The following REDIC1 variants were observed in gnomAD, a reference collection of about 807,000 sequenced individuals.
The protein encoded by REDIC1 is HEI10 Interacting Protein 1.
the REDIC1 span, chr12:39,640,903 T>G: frequency 7.1e-7 from 1 of 1,406,700 alleles, no homozygotes; most frequent in Non-Finnish European, 1.0e-6. Context: ...GGCAGTTGTC[T>G]TAAAGGCCAT....
At chr12:39,742,358 A>T in the REDIC1 span, among the ~76,000 whole-genome samples, 1 of 152,312 alleles carries the variant, frequency 6.6e-6, no homozygotes, top group South Asian at 2.1e-4. Flanking sequence ...CATTTGTTAT[A>T]TTTATTAAGT....
chr12:39,882,459 T>C, the REDIC1 span, among the ~76,000 whole-genome samples: 9 of 152,374 alleles, frequency 5.9e-5, no homozygotes, highest in South Asian at 1.7e-3. Flanking sequence ...TATCCAGTTA[T>C]TCTTCTACTC....
chr12:39,660,836 C>A, the REDIC1 span, among the ~76,000 whole-genome samples: 1 of 152,114 alleles, frequency 6.6e-6, no homozygotes, highest in Admixed American at 6.6e-5. Context: ...CTACATCCTT[C>A]CCAGCCTCTG....
At chr12:39,766,165 C>G in the REDIC1 span, among the ~76,000 whole-genome samples, 1 of 152,092 alleles carries the variant, frequency 6.6e-6, no homozygotes, top group African/African-American at 2.4e-5. Flanking sequence ...GTGCTACACC[C>G]AGATCTGCCT....
At chr12:39,682,020 A>C in the REDIC1 span, among the ~76,000 whole-genome samples, 1 of 152,142 alleles carries the variant, frequency 6.6e-6, no homozygotes. Context: ...CTGCATTAGA[A>C]TAGAACTTAC....
At chr12:39,803,944 G>A in the REDIC1 span, among the ~76,000 whole-genome samples, 148,993 of 152,248 alleles carry the variant, frequency 0.98, 72,912 homozygotes, top group African/African-American at 0.99. Flanking sequence ...TCAGTATGAA[G>A]CTACAGAATT....
chr12:39,820,816 C>T, the REDIC1 span, among the ~76,000 whole-genome samples: 1 of 147,492 alleles, frequency 6.8e-6, no homozygotes, highest in African/African-American at 2.5e-5. Context: ...TCTTCTATAT[C>T]CCTTATATTA....
the REDIC1 span, among the ~76,000 whole-genome samples, chr12:39,852,784 A>G: frequency 2.0e-5 from 3 of 152,180 alleles, no homozygotes; most frequent in Admixed American, 6.5e-5. Context: ...CCTGAAACCA[A>G]TCAGATTGGT....
At chr12:39,692,902 T>A in the REDIC1 span, among the ~76,000 whole-genome samples, 1 of 152,104 alleles carries the variant, frequency 6.6e-6, no homozygotes, top group Non-Finnish European at 1.5e-5. Context: ...GTTGTACCCC[T>A]CTTAGCAAGG....
chr12:39,895,584 GTA>G, the REDIC1 span, among the ~76,000 whole-genome samples: 125 of 122,342 alleles, frequency 1.0e-3, 43 homozygotes, highest in African/African-American at 3.2e-3. Context: ...ATGTATATGT[GTA>G]TATATATGTG....
the REDIC1 span, among the ~76,000 whole-genome samples, chr12:39,837,856 G>T: frequency 6.6e-6 from 1 of 151,670 alleles, no homozygotes; most frequent in Admixed American, 6.6e-5. Context: ...TGCTGGAGAG[G>T]ATGTGGAGAA....
the REDIC1 span, among the ~76,000 whole-genome samples, chr12:39,711,462 CACAT>C: frequency 8.2e-6 from 1 of 121,254 alleles, no homozygotes; most frequent in Non-Finnish European, 1.8e-5. Context: ...TACACATATA[CACAT>C]ACATATATGT....
At chr12:39,731,368 G>A in the REDIC1 span, among the ~76,000 whole-genome samples, 1 of 152,188 alleles carries the variant, frequency 6.6e-6, no homozygotes, top group Non-Finnish European at 1.5e-5. Context: ...TGATGTTAAT[G>A]CTATTCCTTT....
the REDIC1 span, among the ~76,000 whole-genome samples, chr12:39,744,063 G>A: frequency 6.6e-6 from 1 of 151,348 alleles, no homozygotes; most frequent in African/African-American, 2.4e-5. Context: ...TCAAAATACA[G>A]AAAAATCACA....
the REDIC1 span, among the ~76,000 whole-genome samples, chr12:39,704,571 G>T: frequency 6.6e-6 from 1 of 151,828 alleles, no homozygotes; most frequent in African/African-American, 2.4e-5. Context: ...CCCATTACTG[G>T]GTATATACCC....
chr12:39,641,345 T>A, the REDIC1 span, among the ~76,000 whole-genome samples: 1 of 151,874 alleles, frequency 6.6e-6, no homozygotes, highest in African/African-American at 2.4e-5. Context: ...CTTTATTTTT[T>A]ATTACACTGA....
chr12:39,720,772 T>G, the REDIC1 span: 1 of 1,573,052 alleles, frequency 6.4e-7, no homozygotes, highest in South Asian at 1.1e-5. Flanking sequence ...AGCAAAATTA[T>G]TAATTTCTTT....
the REDIC1 span, among the ~76,000 whole-genome samples, chr12:39,811,910 T>C: frequency 6.6e-6 from 1 of 152,240 alleles, no homozygotes; most frequent in Non-Finnish European, 1.5e-5. Flanking sequence ...TTCTGTCTTT[T>C]ATTGGAGTTT....
the REDIC1 span, among the ~76,000 whole-genome samples, chr12:39,749,856 A>C: frequency 1.3e-5 from 2 of 152,240 alleles, no homozygotes; most frequent in Non-Finnish European, 1.5e-5. Context: ...GGCCTTTGAG[A>C]AAATTCAACA....
Sources: gnomAD v4.1 joint callset for allele counts (sites outside exome capture counted in the v4.1 genomes callset) on GRCh38, gnomAD v4.1.1 for gene constraint, MANE v1.5 for transcripts, NCBI Gene and HGNC (gene_info 2026-07-23, HGNC 2026-07-21) for gene names.